The following PRKAR1A variants were observed in gnomAD, a reference collection of about 807,000 sequenced individuals.
PRKAR1A encodes protein kinase cAMP-dependent type I regulatory subunit alpha, also known as cAMP-dependent protein kinase type I-alpha regulatory subunit.
A neutral mutation model predicts 52.0 loss-of-function variants in PRKAR1A; 3 were observed. That is an observed-to-expected ratio of 0.06 (90% CI 0.03 to 0.15). The LOEUF (loss-of-function observed/expected upper bound fraction) is 0.15, where lower values mean the gene tolerates loss of function less well. Among genes scored for constraint, PRKAR1A ranks in the 10% least tolerant of loss-of-function variants. The pLI is 1.00. For missense variants in PRKAR1A, 240 were observed against 477.4 expected, an observed-to-expected ratio of 0.50 and a Z score of 4.63; for synonymous variants, 188 against 168.4, an observed-to-expected ratio of 1.12 and a Z score of -0.90.
At chr17:68,478,010 G>T in the PRKAR1A span, among the ~76,000 whole-genome samples, 392 of 152,258 alleles carry the variant, frequency 2.6e-3, 2 homozygotes, top group Non-Finnish European at 3.2e-3. Flanking sequence ...GAGGATGGCC[G>T]CTGTGCCTGG....
chr17:68,545,925 T>C (rs553904851), intron 11 of PRKAR1A, among the ~76,000 whole-genome samples: 1 of 152,252 alleles, frequency 6.6e-6, no homozygotes, highest in East Asian at 1.9e-4. Context: ...ATCCAAGCAC[T>C]TTGGGAGGCT....
chr17:68,542,656 T>C, intron 11 of PRKAR1A: 1 of 1,516,600 alleles, frequency 6.6e-7, no homozygotes, highest in South Asian at 1.1e-5. Flanking sequence ...GCTTACGATC[T>C]ACTCAGACCC....
the PRKAR1A span, among the ~76,000 whole-genome samples, chr17:68,459,620 T>G: frequency 2.6e-5 from 4 of 152,074 alleles, no homozygotes; most frequent in Non-Finnish European, 4.4e-5. Context: ...GGCCAGAAAA[T>G]TAGACCAAAT....
chr17:68,456,458 A>C, the PRKAR1A span, among the ~76,000 whole-genome samples: 1 of 152,034 alleles, frequency 6.6e-6, no homozygotes, highest in Admixed American at 6.6e-5. Context: ...TTCCAAAAAG[A>C]TGATTCCATA....
At chr17:68,487,248 G>C in the PRKAR1A span, among the ~76,000 whole-genome samples, 3 of 152,142 alleles carry the variant, frequency 2.0e-5, no homozygotes, top group Admixed American at 6.5e-5. Flanking sequence ...TCAAAGTATG[G>C]TTTTGTTAAT....
the PRKAR1A span, among the ~76,000 whole-genome samples, chr17:68,460,220 T>G: frequency 6.6e-6 from 1 of 152,244 alleles, no homozygotes; most frequent in Non-Finnish European, 1.5e-5. Context: ...TAAGTGTTCA[T>G]GTAGCTGGTG....
chr17:68,486,485 CCTTCCTTCCT>C, the PRKAR1A span, among the ~76,000 whole-genome samples: 1 of 59,232 alleles, frequency 1.7e-5, no homozygotes, highest in Non-Finnish European at 3.3e-5. Context: ...TTCCTTCCTT[CCTTCCTTCCT>C]TCCTTCCTTC....
the PRKAR1A span, among the ~76,000 whole-genome samples, chr17:68,488,447 G>T: frequency 6.6e-6 from 1 of 152,092 alleles, no homozygotes; most frequent in African/African-American, 2.4e-5. Flanking sequence ...CCAGCATGGG[G>T]CTGGGTGCAG....
chr17:68,546,829 CAAA>C (rs35112614), intron 11 of PRKAR1A, among the ~76,000 whole-genome samples: 3 of 84,008 alleles, frequency 3.6e-5, no homozygotes, highest in South Asian at 4.1e-4. Context: ...GACTACGGCT[CAAA>C]AAAAAAAAAA....
the PRKAR1A span, among the ~76,000 whole-genome samples, chr17:68,453,509 C>T: frequency 4.9e-5 from 7 of 143,958 alleles, no homozygotes; most frequent in African/African-American, 7.9e-5. Context: ...GAGGGAGTCT[C>T]GCTCTGTCAC....
the PRKAR1A span, among the ~76,000 whole-genome samples, chr17:68,481,103 T>C: frequency 1.3e-5 from 2 of 152,206 alleles, no homozygotes; most frequent in African/African-American, 2.4e-5. Flanking sequence ...AGTGCCATTT[T>C]TGTTTGTGCT....
chr17:68,529,881 AGTGT>A (rs551059586), intron 9 of PRKAR1A, 35 bp from the exon 10 acceptor site: 28 of 1,601,382 alleles, frequency 1.7e-5, no homozygotes, highest in African/African-American at 1.3e-4. Flanking sequence ...TGGGTTTGAG[AGTGT>A]GTGTTTGTTT....
At chr17:68,430,454 A>G in the PRKAR1A span, among the ~76,000 whole-genome samples, 1 of 152,214 alleles carries the variant, frequency 6.6e-6, no homozygotes, top group Non-Finnish European at 1.5e-5. Context: ...TCTGATTCCT[A>G]GATTTCCAGA....
intron 11 of PRKAR1A, chr17:68,540,770 G>A: frequency 6.5e-7 from 1 of 1,529,242 alleles, no homozygotes; most frequent in South Asian, 1.2e-5. Flanking sequence ...CAGGTTGTAA[G>A]TTTGTGCTCA....
the PRKAR1A span, among the ~76,000 whole-genome samples, chr17:68,449,340 A>C: frequency 6.6e-5 from 10 of 152,236 alleles, no homozygotes; most frequent in Non-Finnish European, 1.0e-4. Flanking sequence ...CTGCCTTCAC[A>C]GTAATTTGGC....
At chr17:68,506,198 C>A in the PRKAR1A span, among the ~76,000 whole-genome samples, 5 of 151,798 alleles carry the variant, frequency 3.3e-5, no homozygotes, top group African/African-American at 1.2e-4. Context: ...GGCCACTGAT[C>A]ACTCTTCCAG....
the PRKAR1A span, chr17:68,429,914 TCAGG>T: frequency 1.3e-6 from 2 of 1,590,768 alleles, no homozygotes; most frequent in Admixed American, 1.9e-5. Context: ...TTTTTTCTTT[TCAGG>T]TTTGGGGATT....
Position 68,528,878 on chromosome 17 carries a change from G to C in PRKAR1A, c.778G>C (p.Asp260His), listed in dbSNP as rs1255519868. 6 of 1,613,798 alleles carry C rather than the reference G, an allele frequency of 3.7e-6. No individual in the cohort carries two copies. The highest frequency in any genetic ancestry group is 5.1e-6 in the Non-Finnish European group (6 of 1,179,826). The change falls in exon 9 of 11, where the codon GAC becomes CAC. Residue 260 changes from aspartate (D) to histidine (H), a missense_variant. Asp to His is a moderately conservative substitution (Grantham distance 81). Around this residue, in one of 4 missense-constraint regions of PRKAR1A, gnomAD observed 107 missense variants for 290.9 expected, o/e 0.37. Transcript: ENST00000589228. ...TGATTCTTGTCTTTCAGAGTCTCTG[G>C]ACAAGTGGGAACGTCTTACGGTAGC... Reference protein sequence around the residue: ...LSKVSILESLDKWERLTVADA... With the variant: ...LSKVSILESLHKWERLTVADA...
At chr17:68,466,078 G>GCGTGCAAATGGGCCTGT in the PRKAR1A span, among the ~76,000 whole-genome samples, 3 of 152,098 alleles carry the variant, frequency 2.0e-5, no homozygotes, top group Non-Finnish European at 2.9e-5. Context: ...ACTGACTTCT[G>GCGTGCAAATGGGCCTGT]CGTGCAAATG....
Sources: allele counts gnomAD v4.1 joint callset (sites outside exome capture counted in the v4.1 genomes callset), GRCh38; gene constraint gnomAD v4.1.1; regional missense constraint gnomAD v4.1.1; transcripts MANE v1.5; gene names NCBI Gene and HGNC (gene_info 2026-07-23, HGNC 2026-07-21).